Variants in BTRC observed in about 807,000 individuals in gnomAD.
BTRC encodes beta-transducin repeat containing E3 ubiquitin protein ligase.
Under a neutral mutation model 85.5 loss-of-function variants are expected in BTRC, and 42 were observed. The ratio of observed to expected loss-of-function variants is 0.49; its 90% CI spans 0.38 to 0.64. BTRC has a LOEUF of 0.64. BTRC is among the 30% of genes least tolerant of loss of function. BTRC has a pLI of 0.00. For missense variants in BTRC, 594 were observed against 743.5 expected, an observed-to-expected ratio of 0.80 and a Z score of 2.34; for synonymous variants, 255 against 263.3, an observed-to-expected ratio of 0.97 and a Z score of 0.30.
At chr10:101,502,742 T>G (rs1339749134) in intron 4 of BTRC, among the ~76,000 whole-genome samples, 1 of 152,200 alleles carries the variant, frequency 6.6e-6, no homozygotes, top group Non-Finnish European at 1.5e-5. Context: ...TCATTTAGAT[T>G]AACAGTTCAG....
At chr10:101,512,813 A>G (rs2061973199) in intron 4 of BTRC, among the ~76,000 whole-genome samples, 1 of 152,222 alleles carries the variant, frequency 6.6e-6, no homozygotes, top group South Asian at 2.1e-4. Flanking sequence ...TTGTCACCTG[A>G]CAGCTTCTTT....
intron 1 of BTRC, among the ~76,000 whole-genome samples, chr10:101,392,784 A>C (rs1302764604): frequency 6.6e-6 from 1 of 152,182 alleles, no homozygotes; most frequent in Non-Finnish European, 1.5e-5. Context: ...TCGGCCTCCC[A>C]AAGTGCTGGA....
At chr10:101,547,307 A>C (rs1326000996) in intron 13 of BTRC, among the ~76,000 whole-genome samples, 3 of 151,280 alleles carry the variant, frequency 2.0e-5, no homozygotes, top group Admixed American at 1.3e-4. Flanking sequence ...CTCAAAATAA[A>C]TAAGTAAATA....
chr10:101,374,249 G>C (rs1484545530), intron 1 of BTRC, among the ~76,000 whole-genome samples: 1 of 151,984 alleles, frequency 6.6e-6, no homozygotes, highest in African/African-American at 2.4e-5. Flanking sequence ...TTTAATGATT[G>C]CCATTCTGAC....
intron 3 of BTRC, among the ~76,000 whole-genome samples, chr10:101,473,900 A>C (rs1165973172): frequency 6.6e-6 from 1 of 152,126 alleles, no homozygotes; most frequent in Non-Finnish European, 1.5e-5. Flanking sequence ...GCGCAGCCTG[A>C]ATTTTTCATT....
intron 1 of BTRC, among the ~76,000 whole-genome samples, chr10:101,417,002 T>C (rs1172528659): frequency 9.4e-6 from 1 of 106,230 alleles, no homozygotes; most frequent in Non-Finnish European, 1.8e-5. Context: ...GTAAGTAAAA[T>C]GCAAATTGTT....
intron 1 of BTRC, among the ~76,000 whole-genome samples, chr10:101,399,347 A>G (rs1438985682): frequency 1.7e-5 from 2 of 118,574 alleles, no homozygotes; most frequent in Non-Finnish European, 3.5e-5. Context: ...TTTTTTTTAG[A>G]ATTTTTAAAA....
At chr10:101,404,997 T>TAA (rs34206285) in intron 1 of BTRC, among the ~76,000 whole-genome samples, 3 of 123,778 alleles carry the variant, frequency 2.4e-5, no homozygotes, top group Non-Finnish European at 3.3e-5. Flanking sequence ...GAATCCATCT[T>TAA]AAAAAAAAAA....
At chr10:101,486,381 C>T (rs1945987883) in intron 4 of BTRC, among the ~76,000 whole-genome samples, 2 of 151,146 alleles carry the variant, frequency 1.3e-5, no homozygotes, top group South Asian at 4.2e-4. Context: ...TTGCGGAGTG[C>T]AGTATGGTGC....
intron 2 of BTRC, among the ~76,000 whole-genome samples, chr10:101,461,652 C>T (rs1229766129): frequency 6.6e-6 from 1 of 152,128 alleles, no homozygotes; most frequent in Non-Finnish European, 1.5e-5. Context: ...TAGTTGTCAT[C>T]AGCTAAGTGT....
chr10:101,498,883 C>T (rs928064247), intron 4 of BTRC, among the ~76,000 whole-genome samples: 2 of 151,940 alleles, frequency 1.3e-5, no homozygotes, highest in African/African-American at 4.8e-5. Context: ...ATCCCAGCTA[C>T]TCAGGAGGCT....
intron 4 of BTRC, among the ~76,000 whole-genome samples, chr10:101,485,799 A>G (rs1348420803): frequency 6.6e-6 from 1 of 152,160 alleles, no homozygotes; most frequent in Non-Finnish European, 1.5e-5. Flanking sequence ...CTAGATTAGC[A>G]TGAAATGAGC....
chr10:101,490,884 C>A (rs1032457404), intron 4 of BTRC, among the ~76,000 whole-genome samples: 4 of 152,076 alleles, frequency 2.6e-5, no homozygotes, highest in Non-Finnish European at 5.9e-5. Flanking sequence ...CAGGATGAAA[C>A]TTTGTCTCTA....
intron 1 of BTRC, among the ~76,000 whole-genome samples, chr10:101,401,550 A>T (rs1168648924): frequency 1.3e-5 from 2 of 152,178 alleles, no homozygotes; most frequent in Non-Finnish European, 2.9e-5. Flanking sequence ...TATGGGATTA[A>T]AAACAATTGT....
At position 101,555,364 on chromosome 10, in the gene BTRC, T is replaced by C. The variant is rs1301929849; in HGVS notation, c.*2241T>C. ...TCCAATCTAGGTTCAGTTGAAGGAATATTGTTTCTAAGACTGTTTTGAGAC... is the reference window on the plus strand; with the variant it reads ...TCCAATCTAGGTTCAGTTGAAGGAACATTGTTTCTAAGACTGTTTTGAGAC... On this transcript the variant is annotated 3_prime_UTR_variant, in exon 15 of 15. Coordinates refer to ENST00000370187, the MANE Select transcript of BTRC (RefSeq NM_033637.4). 1 of 152,680 alleles carries C rather than the reference T, an allele frequency of 6.5e-6. No homozygotes were observed. The highest frequency in any genetic ancestry group is 2.4e-5 in the African/African-American group (1 of 41,460). 9.5% of individuals were successfully genotyped at this position (152,680 alleles called of 1,614,324 possible).
chr10:101,484,580 AG>A (rs2134240388), intron 4 of BTRC, among the ~76,000 whole-genome samples: 1 of 152,268 alleles, frequency 6.6e-6, no homozygotes, highest in African/African-American at 2.4e-5. Context: ...GTTTCTTTTG[AG>A]TTTTAAACTA....
At chr10:101,482,298 G>C (rs529551410) in intron 4 of BTRC, among the ~76,000 whole-genome samples, 2 of 152,156 alleles carry the variant, frequency 1.3e-5, no homozygotes, top group African/African-American at 4.8e-5. Flanking sequence ...TGGGATTACA[G>C]GTGTGAGCCA....
In BTRC at chr10:101,370,861, T is replaced by C. The variant is rs555214139; in HGVS notation, c.48+16633T>C. Among the ~76,000 whole-genome samples, 22 of 152,252 alleles carry C rather than the reference T, an allele frequency of 1.4e-4. No homozygotes were observed. In the South Asian group the frequency reaches 4.6e-3, roughly 32 times the overall value. On this transcript the variant is annotated intron_variant, in intron 1 of 14. Coordinates refer to ENST00000370187, the MANE Select transcript of BTRC (RefSeq NM_033637.4). Reference sequence around the variant, plus strand: ...TGCTGGGATGCTGGGGTTACAGGTGTGCACCACTTCACTGGGCCAAGATGT... The same window carrying C: ...TGCTGGGATGCTGGGGTTACAGGTGCGCACCACTTCACTGGGCCAAGATGT...
chr10:101,432,762 C>T (rs577381885), intron 2 of BTRC, among the ~76,000 whole-genome samples: 1 of 152,294 alleles, frequency 6.6e-6, no homozygotes, highest in South Asian at 2.1e-4. Context: ...ACACATAGGG[C>T]AGAATCTCGG....
Sources: allele counts gnomAD v4.1 joint callset (sites outside exome capture counted in the v4.1 genomes callset), GRCh38; gene constraint gnomAD v4.1.1; transcripts MANE v1.5; gene names NCBI Gene and HGNC (gene_info 2026-07-23, HGNC 2026-07-21).